The following SPAG16 variants were observed in gnomAD, a reference collection of about 807,000 sequenced individuals.
SPAG16 encodes sperm associated antigen 16.
A neutral mutation model predicts 80.4 loss-of-function variants in SPAG16; 86 were observed. The ratio of observed to expected loss-of-function variants is 1.07; its 90% confidence interval spans 0.90 to 1.28. The LOEUF is 1.28. SPAG16 is among the 50% of genes most tolerant of loss of function. The pLI is 0.00. For synonymous variants in SPAG16, 294 were observed against 265.9 expected, an observed-to-expected ratio of 1.11 and a Z score of -1.03; for missense variants, 870 against 765.3, an observed-to-expected ratio of 1.14 and a Z score of -1.61.
chr2:214,102,216 T>G (rs568950471), intron 13 of SPAG16, among the ~76,000 whole-genome samples: 1 of 151,242 alleles, frequency 6.6e-6, no homozygotes, highest in Admixed American at 6.6e-5. Flanking sequence ...TCTTAGGCCT[T>G]GGGGATGAGA....
At chr2:213,861,075 A>C (rs1046525279) in intron 10 of SPAG16, among the ~76,000 whole-genome samples, 6 of 152,168 alleles carry the variant, frequency 3.9e-5, no homozygotes, top group African/African-American at 1.4e-4. Context: ...ATTATGATGA[A>C]TTGCAAAATG....
intron 10 of SPAG16, among the ~76,000 whole-genome samples, chr2:213,574,636 C>T (rs1243055360): frequency 2.1e-5 from 3 of 144,564 alleles, no homozygotes; most frequent in African/African-American, 7.8e-5. Flanking sequence ...TCCTTACGAT[C>T]ACCAGATATA....
chr2:213,286,231 C>T (rs1258610770), intron 1 of SPAG16, among the ~76,000 whole-genome samples: 1 of 152,118 alleles, frequency 6.6e-6, no homozygotes, highest in Non-Finnish European at 1.5e-5. Context: ...ATTTTACTAA[C>T]CGTTGTGTGA....
chr2:213,778,244 T>A (rs2069723593), intron 10 of SPAG16, among the ~76,000 whole-genome samples: 1 of 152,126 alleles, frequency 6.6e-6, no homozygotes, highest in Non-Finnish European at 1.5e-5. Flanking sequence ...CTATCTGAAT[T>A]CTTAGTTTAA....
chr2:213,303,617 T>A (rs1276101924), intron 3 of SPAG16, among the ~76,000 whole-genome samples: 2 of 152,074 alleles, frequency 1.3e-5, no homozygotes, highest in African/African-American at 2.4e-5. Flanking sequence ...CACAAATAAG[T>A]GAGAACATGT....
chr2:214,174,502 A>G (rs2057000168), intron 15 of SPAG16, among the ~76,000 whole-genome samples: 1 of 152,138 alleles, frequency 6.6e-6, no homozygotes, highest in East Asian at 1.9e-4. Context: ...AGAATAAAAT[A>G]CCTAGGAATC....
chr2:214,236,325 T>C (rs1689072839), intron 15 of SPAG16, among the ~76,000 whole-genome samples: 1 of 152,170 alleles, frequency 6.6e-6, no homozygotes, highest in African/African-American at 2.4e-5. Flanking sequence ...GAATTACTAT[T>C]ACAAGGAAAC....
At chr2:213,693,851 C>T (rs755800046) in intron 10 of SPAG16, among the ~76,000 whole-genome samples, 2 of 152,108 alleles carry the variant, frequency 1.3e-5, no homozygotes, top group Non-Finnish European at 2.9e-5. Flanking sequence ...CTATCTGGCA[C>T]TGAAACTTGG....
intron 15 of SPAG16, among the ~76,000 whole-genome samples, chr2:214,218,499 A>G (rs1311708015): frequency 1.3e-5 from 2 of 152,098 alleles, no homozygotes; most frequent in Non-Finnish European, 2.9e-5. Flanking sequence ...CCCTGCCGTA[A>G]CCCATTCCCA....
chr2:213,881,683 G>A (rs1222799766), intron 11 of SPAG16, among the ~76,000 whole-genome samples: 1 of 152,166 alleles, frequency 6.6e-6, no homozygotes. Flanking sequence ...TCTCTTGTGA[G>A]AACTCACCAT....
At chr2:213,538,756 C>T (rs2125909745) in intron 10 of SPAG16, among the ~76,000 whole-genome samples, 1 of 152,054 alleles carries the variant, frequency 6.6e-6, no homozygotes, top group African/African-American at 2.4e-5. Flanking sequence ...TACTATTTAC[C>T]ATTCACAGGG....
At chr2:214,304,650 G>T (rs1427203817) in intron 15 of SPAG16, among the ~76,000 whole-genome samples, 1 of 152,142 alleles carries the variant, frequency 6.6e-6, no homozygotes, top group African/African-American at 2.4e-5. Context: ...ATATTTCTGT[G>T]TGTGTGTCTT....
At chr2:213,934,228 C>T (rs2106262599) in intron 12 of SPAG16, among the ~76,000 whole-genome samples, 1 of 152,322 alleles carries the variant, frequency 6.6e-6, no homozygotes, top group South Asian at 2.1e-4. Flanking sequence ...ACTAGTGATG[C>T]TTATATGTTT....
intron 15 of SPAG16, among the ~76,000 whole-genome samples, chr2:214,290,395 CTATT>C (rs1454918425): frequency 7.8e-6 from 1 of 128,400 alleles, no homozygotes; most frequent in Non-Finnish European, 1.6e-5. Flanking sequence ...CTGATATTTA[CTATT>C]TCTTTCCTTC....
At chr2:213,930,958 G>A (rs945532080) in intron 12 of SPAG16, among the ~76,000 whole-genome samples, 4 of 152,066 alleles carry the variant, frequency 2.6e-5, no homozygotes, top group African/African-American at 9.7e-5. Flanking sequence ...CCCTCTCCTC[G>A]GAGGACTGAG....
intron 5 of SPAG16, among the ~76,000 whole-genome samples, chr2:213,328,896 C>A (rs2063957467): frequency 6.6e-6 from 1 of 152,132 alleles, no homozygotes; most frequent in Non-Finnish European, 1.5e-5. Context: ...GTAATTGAAT[C>A]ATGGGGGCAG....
At chr2:214,276,835 C>T (rs1232292099) in intron 15 of SPAG16, among the ~76,000 whole-genome samples, 15 of 152,264 alleles carry the variant, frequency 9.9e-5, no homozygotes, top group Non-Finnish European at 2.9e-5. Context: ...TCAATGTTGG[C>T]CTGCCTTACT....
chr2:214,033,379 A>G (rs577469779), intron 13 of SPAG16, among the ~76,000 whole-genome samples: 9 of 152,342 alleles, frequency 5.9e-5, no homozygotes, highest in African/African-American at 2.2e-4. Context: ...TGGCAGAGTT[A>G]GATGCAGAGA....
chr2:214,088,493 A>C (rs2051936480), intron 13 of SPAG16, among the ~76,000 whole-genome samples: 1 of 152,156 alleles, frequency 6.6e-6, no homozygotes, highest in African/African-American at 2.4e-5. Flanking sequence ...AAAATGTACA[A>C]GCTTACAGGA....
Sources: allele counts gnomAD v4.1 joint callset (sites outside exome capture counted in the v4.1 genomes callset), GRCh38; gene constraint gnomAD v4.1.1; transcripts MANE v1.5; gene names NCBI Gene and HGNC (gene_info 2026-07-23, HGNC 2026-07-21).